The following UNC79 variants were observed in gnomAD, a reference collection of about 807,000 sequenced individuals.
The protein encoded by UNC79 is protein unc-79 homolog.
A neutral mutation model predicts 283.1 loss-of-function variants in UNC79; 37 were observed. The observed-to-expected ratio is 0.13, with a 90% CI of 0.10 to 0.17. The LOEUF (loss-of-function observed/expected upper bound fraction) is 0.17. Among genes scored for constraint, UNC79 ranks in the 10% least tolerant of loss-of-function variants. The pLI is 1.00. For missense variants in UNC79, 2,272 were observed against 3,211.1 expected, an observed-to-expected ratio of 0.71 and a Z score of 7.07; for synonymous variants, 1,107 against 1,200.2, an observed-to-expected ratio of 0.92 and a Z score of 1.61.
chr14:93,620,031 T>A (rs2067008904), intron 29 of UNC79, among the ~76,000 whole-genome samples: 1 of 152,216 alleles, frequency 6.6e-6, no homozygotes, highest in African/African-American at 2.4e-5. Flanking sequence ...ATTTTGGGGT[T>A]TATCTTGGAT....
At chr14:93,633,818 A>G (rs1324882041) in intron 31 of UNC79, among the ~76,000 whole-genome samples, 1 of 152,244 alleles carries the variant, frequency 6.6e-6, no homozygotes. Flanking sequence ...CAGGATAAAA[A>G]TGTTACCACT....
chr14:93,692,656 A>G (rs1000109486), intron 46 of UNC79, among the ~76,000 whole-genome samples: 16 of 152,214 alleles, frequency 1.1e-4, no homozygotes, highest in African/African-American at 2.7e-4. Context: ...ATGCTCCCCA[A>G]TCTTCAAATC....
At chr14:93,355,667 C>T (rs1447990407) in intron 1 of UNC79, among the ~76,000 whole-genome samples, 2 of 152,184 alleles carry the variant, frequency 1.3e-5, no homozygotes, top group Non-Finnish European at 2.9e-5. Flanking sequence ...TTTAACTTCT[C>T]TTACATTGAC....
intron 1 of UNC79, among the ~76,000 whole-genome samples, chr14:93,445,939 A>G (rs1405911552): frequency 6.6e-6 from 1 of 152,128 alleles, no homozygotes; most frequent in Non-Finnish European, 1.5e-5. Context: ...ATAATCCCTT[A>G]TAATTCTTTT....
intron 26 of UNC79, among the ~76,000 whole-genome samples, chr14:93,610,652 C>T (rs960295224): frequency 4.6e-5 from 7 of 151,210 alleles, no homozygotes; most frequent in East Asian, 3.9e-4. Context: ...GCTTTGTTGC[C>T]CAGGCTGGAG....
chr14:93,706,958 AAAAC>A (rs2075920512), downstream of UNC79: 6 of 1,591,360 alleles, frequency 3.8e-6, no homozygotes, highest in Admixed American at 5.1e-5. Context: ...AATGGGTTTA[AAAAC>A]AAACAATTTG....
intron 34 of UNC79, 143 bp from the exon 38 acceptor site, chr14:93,646,465 C>T (rs2140265254): frequency 1.4e-6 from 1 of 724,876 alleles, no homozygotes; most frequent in Non-Finnish European, 2.3e-6. Flanking sequence ...CTGAGTGGGC[C>T]CTCTGTACTG....
At chr14:93,490,487 G>A (rs1234086313) in intron 5 of UNC79, among the ~76,000 whole-genome samples, 1 of 148,128 alleles carries the variant, frequency 6.8e-6, no homozygotes, top group Non-Finnish European at 1.5e-5. Context: ...ACTTTGCTAA[G>A]AAATTTTCTT....
At chr14:93,410,293 C>T (rs2055309027) in intron 1 of UNC79, among the ~76,000 whole-genome samples, 1 of 152,260 alleles carries the variant, frequency 6.6e-6, no homozygotes, top group South Asian at 2.1e-4. Flanking sequence ...GGGGAATCAC[C>T]TATCCCAGCG....
At chr14:93,668,073 T>C (rs1244659373) in intron 40 of UNC79, among the ~76,000 whole-genome samples, 1 of 152,076 alleles carries the variant, frequency 6.6e-6, no homozygotes, top group African/African-American at 2.4e-5. Context: ...ATGCTAAGAG[T>C]CATCCCTTTA....
At chr14:93,506,170 C>A (rs937751529) in intron 7 of UNC79, among the ~76,000 whole-genome samples, 1 of 151,194 alleles carries the variant, frequency 6.6e-6, no homozygotes, top group Admixed American at 6.6e-5. Context: ...TAGTGTTTGT[C>A]TGAAAATGTT....
intron 24 of UNC79, among the ~76,000 whole-genome samples, chr14:93,599,942 C>T (rs1566745400): frequency 6.6e-6 from 1 of 152,224 alleles, no homozygotes; most frequent in East Asian, 1.9e-4. Context: ...TGGCTCGCGC[C>T]TGTAATCCCA....
chr14:93,582,483 C>A, intron 20 of UNC79, 139 bp downstream of exon 20: 1 of 1,241,822 alleles, frequency 8.1e-7, no homozygotes, highest in Non-Finnish European at 1.1e-6. Context: ...AGGAACATCT[C>A]CCAGCGGATT....
At chr14:93,500,069 C>T (rs1010643593) in intron 7 of UNC79, among the ~76,000 whole-genome samples, 19 of 152,092 alleles carry the variant, frequency 1.2e-4, no homozygotes, top group Non-Finnish European at 2.2e-4. Flanking sequence ...AGCAAAGGGA[C>T]GCCAGGCACA....
Position 93,474,253 on chromosome 14 carries a change from T to C in UNC79, c.308T>C (p.Leu103Pro). The C allele has an allele frequency of 6.5e-7, 1 of 1,536,108 alleles. No individual in the cohort carries two copies. The highest frequency in any genetic ancestry group is 8.7e-7 in the Non-Finnish European group (1 of 1,146,888). The change falls in exon 3 of 49, where the codon CTG becomes CCG. Residue 103 changes from leucine to proline, a missense_variant. By Grantham distance (98) the Leu-to-Pro change is moderately conservative. Around this residue, in one of 11 missense-constraint regions of UNC79, gnomAD observed 194 missense variants for 268.9 expected, o/e 0.72. Transcript: ENST00000555664. The surrounding 1 kb of genome is among the most constrained non-coding windows in gnomAD (Gnocchi z 4.1). ...ACTCGCTCCCTCCTTTACAGCGTCC[T>C]GCGAGATGCTCCCTCAGAACGCGGC...
intron 1 of UNC79, among the ~76,000 whole-genome samples, chr14:93,391,219 A>C (rs1193821331): frequency 6.6e-6 from 1 of 152,196 alleles, no homozygotes; most frequent in Non-Finnish European, 1.5e-5. Flanking sequence ...TCTTTTCAAT[A>C]AAATGTATGG....
chr14:93,354,368 T>G (rs933298079), intron 1 of UNC79, among the ~76,000 whole-genome samples: 2 of 152,238 alleles, frequency 1.3e-5, no homozygotes, highest in Admixed American at 1.3e-4. Context: ...GCTGACATGA[T>G]GCTCAAAGGA....
chr14:93,421,500 C>T (rs1039148250), intron 1 of UNC79, among the ~76,000 whole-genome samples: 3 of 151,684 alleles, frequency 2.0e-5, no homozygotes, highest in Non-Finnish European at 2.9e-5. Context: ...GACCTGATGG[C>T]TTCACTGATG....
intron 7 of UNC79, among the ~76,000 whole-genome samples, chr14:93,523,573 TATC>T (rs1465430819): frequency 2.0e-5 from 3 of 152,204 alleles, no homozygotes; most frequent in African/African-American, 7.2e-5. Context: ...AGTTCTAGCT[TATC>T]ATATACTAAC....
Sources: allele counts gnomAD v4.1 joint callset (sites outside exome capture counted in the v4.1 genomes callset), GRCh38; gene constraint gnomAD v4.1.1; regional missense constraint gnomAD v4.1.1; non-coding constraint Gnocchi (gnomAD v3.1); transcripts MANE v1.5; gene names NCBI Gene and HGNC (gene_info 2026-07-23, HGNC 2026-07-21).